Variants in DHX33 observed in about 807,000 individuals in gnomAD.
DHX33 encodes the protein ATP-dependent RNA helicase DHX33.
Under a neutral mutation model 72.5 loss-of-function variants are expected in DHX33, and 42 were observed. The observed-to-expected ratio is 0.58, with a 90% CI of 0.45 to 0.75. The LOEUF is 0.75. Among genes scored for constraint, DHX33 ranks in the 30% least tolerant of loss-of-function variants. DHX33 has a pLI of 0.00. For synonymous variants in DHX33, 358 were observed against 366.1 expected, an observed-to-expected ratio of 0.98 and a Z score of 0.25; for missense variants, 842 against 917.5, an observed-to-expected ratio of 0.92 and a Z score of 1.06.
intron 3 of DHX33, 77 bp from the exon 4 acceptor site, chr17:5,461,186 G>C (rs1364113861): frequency 2.0e-6 from 3 of 1,476,716 alleles, no homozygotes; most frequent in East Asian, 4.6e-5. Context: ...AGCCCCAAAA[G>C]CAGATGATTG....
chr17:5,448,694 A>G (rs911456996), intron 11 of DHX33, 115 bp downstream of exon 11: 25 of 676,558 alleles, frequency 3.7e-5, no homozygotes, highest in Middle Eastern at 5.2e-4. Context: ...TTATTTGTGA[A>G]ATTTGCTACA....
chr17:5,454,989 C>T (rs1273081107), intron 6 of DHX33, among the ~76,000 whole-genome samples, 171 bp downstream of exon 6: 4 of 152,172 alleles, frequency 2.6e-5, no homozygotes, highest in African/African-American at 4.8e-5. Context: ...CTCACATACC[C>T]GCCTCAGGAC....
At chr17:5,465,509 T>G (rs1270338703) in intron 1 of DHX33, among the ~76,000 whole-genome samples, 1 of 152,242 alleles carries the variant, frequency 6.6e-6, no homozygotes, top group Non-Finnish European at 1.5e-5. Flanking sequence ...TTGTAATATT[T>G]GCATTATACT....
intron 4 of DHX33, 74 bp downstream of exon 4, chr17:5,460,865 T>C (rs897319916): frequency 2.6e-6 from 4 of 1,511,362 alleles, no homozygotes; most frequent in East Asian, 2.3e-5. Flanking sequence ...GCTTTTCTTT[T>C]CAAGGCTCAA....
Position 5,453,891 on chromosome 17 carries a change from T to C in DHX33, c.1237A>G (p.Ile413Val). ...TCCTCCGTGTAGAGCCGGTAGCAGATGCCACTGTCCTCTCTGCCAGCCCTC... is the reference window on the plus strand; with the variant it reads ...TCCTCCGTGTAGAGCCGGTAGCAGACGCCACTGTCCTCTCTGCCAGCCCTC... ...TGRAGREDSG[I>V]CYRLYTEDEF... Residue 413 changes from isoleucine (I) to valine (V), a missense_variant, in exon 7 of 12, where the codon ATC (isoleucine) becomes GTC (valine). Transcript: ENST00000225296. 1 of 1,608,816 alleles carries C rather than the reference T, an allele frequency of 6.2e-7. No homozygotes were observed. The highest frequency in any genetic ancestry group is 8.5e-7 in the Non-Finnish European group (1 of 1,177,952).
intron 4 of DHX33, among the ~76,000 whole-genome samples, chr17:5,460,215 C>T (rs886083090): frequency 1.5e-4 from 23 of 151,492 alleles, no homozygotes; most frequent in Admixed American, 1.4e-3. Context: ...GAGGTTTCAC[C>T]ATGTTAGTCA....
rs1229158557 is a variant in DHX33 at position 5,442,293 on chromosome 17, T to C, written c.*1912A>G. The C allele has an allele frequency of 6.7e-6, 1 of 149,484 alleles. No individual in the cohort carries two copies. Among genetic ancestry groups the C allele is most frequent in the East Asian group, 1.9e-4 (1 of 5,132 alleles). 9.3% of individuals were successfully genotyped at this position (149,484 alleles called of 1,614,324 possible). A position where few individuals can be genotyped will look rare whatever the true frequency, so the allele number is the denominator to read the frequency against. On this transcript the variant is annotated 3_prime_UTR_variant, in exon 12 of 12. Transcript: ENST00000225296. ...TTTTTTTTACCAGCACTATGAATGA[T>C]TAAAAATACAATATTTTTCTTACTA...
rs563736872 is a variant in DHX33, at chr17:5,450,318, G to C, written c.1613C>G (p.Pro538Arg). 1 of 1,614,088 alleles carries C rather than the reference G, an allele frequency of 6.2e-7. No individual in the cohort carries two copies. ...LLSVDSVLHN[P>R]PSRREEVQGV... ...TTGCACTTCCTCTCGCCGGGAAGGA[G>C]GGTTGTGGAGGACGCTGTCCACAGA... is the stretch of plus-strand genomic sequence containing the variant. The change falls in exon 10 of 12, where the codon CCT becomes CGT. Residue 538 changes from proline to arginine, a missense_variant. Coordinates refer to ENST00000225296, the MANE Select transcript of DHX33 (RefSeq NM_020162.4).
rs551465361 is a variant in DHX33 at position 5,456,873 on chromosome 17, G to A, written c.850-691C>T. On this transcript the variant is annotated intron_variant, in intron 4 of 11. Transcript: ENST00000225296. ...GAAGGAGCCTTTAATGAATGACGCC[G>A]TCGAAAGCGCTTTCACACGCCCCAA... 4.6e-5 allele frequency among the ~76,000 whole-genome samples: 7 copies of A among 152,266 alleles called. No individual in the cohort carries two copies. In the South Asian group the frequency reaches 1.0e-3, roughly 23 times the overall value.
intron 1 of DHX33, among the ~76,000 whole-genome samples, chr17:5,468,005 C>A (rs1319455423): frequency 6.6e-6 from 1 of 152,192 alleles, no homozygotes; most frequent in Non-Finnish European, 1.5e-5. Flanking sequence ...TCTGCTCACT[C>A]TCTATTCCTT....
chr17:5,463,498 A>G, intron 2 of DHX33, 31 bp downstream of exon 2: 1 of 1,607,500 alleles, frequency 6.2e-7, no homozygotes, highest in Non-Finnish European at 8.5e-7. Context: ...TTGAGTCAAG[A>G]AGTACTAATA....
rs34666901 is a variant in DHX33 at position 5,461,047 on chromosome 17, G to C, written c.741C>G (p.Pro247=). The C allele has an allele frequency of 2.2e-3, 3,627 of 1,612,884 alleles. 6 individuals carry two copies. The highest frequency in any genetic ancestry group is 2.9e-3 in the Non-Finnish European group (3,401 of 1,179,390). ...DLFSQYFNGA[P]VLYLEGRQHP... is the part of the protein sequence containing the mutation. ...GCTGCCGACCCTCTAGGTAGAGGAC[G>C]GGGGCGCCATTGAAATACTGAGAGA... Residue 247 remains proline (P), a synonymous_variant, in exon 4 of 12, where the codon CCC becomes CCG. Coordinates refer to ENST00000225296, the MANE Select transcript of DHX33 (RefSeq NM_020162.4).
rs553325228 is a variant in DHX33 at position 5,444,037 on chromosome 17, T to C, written c.*168A>G. ...GGTACAAATGATATGTCCATGTCTA[T>C]ATGGTTCAGTCCCAGGAGTTGAGCA... On this transcript the variant is annotated 3_prime_UTR_variant, in exon 12 of 12. Coordinates refer to ENST00000225296, the MANE Select transcript of DHX33 (RefSeq NM_020162.4). The surrounding 1 kb of genome is among the most constrained non-coding windows in gnomAD (Gnocchi z 4.9). The C allele has an allele frequency of 1.9e-3, 1,395 of 723,138 alleles. 31 individuals are homozygous for C. The South Asian group carries it at 0.026, about 14-fold the overall frequency. 44.8% of individuals were successfully genotyped at this position (723,138 alleles called of 1,614,324 possible).
At chr17:5,460,073 G>C (rs552584121) in intron 4 of DHX33, among the ~76,000 whole-genome samples, 1 of 149,810 alleles carries the variant, frequency 6.7e-6, no homozygotes, top group Non-Finnish European at 1.5e-5. Flanking sequence ...GGAGTGCAGT[G>C]GCGCGATCTC....
Position 5,462,855 on chromosome 17 carries a change from A to C in DHX33, c.451-309T>G, listed in dbSNP as rs562748911. Among the ~76,000 whole-genome samples, 147 of 152,266 alleles carry C rather than the reference A, an allele frequency of 9.7e-4. 1 individual carries two copies. Among genetic ancestry groups the C allele is most frequent in the South Asian group, 6.6e-3 (32 of 4,820 alleles). ...AGCACTTTGGGAGGTTGGGGCAGGCAGATCACGAGGTCAGGAGTTTGAGAC... is the reference window on the plus strand; with the variant it reads ...AGCACTTTGGGAGGTTGGGGCAGGCCGATCACGAGGTCAGGAGTTTGAGAC... On this transcript the variant is annotated intron_variant, in intron 2 of 11. Transcript: ENST00000225296.
At position 5,462,363 on chromosome 17, in the gene DHX33, C is replaced by G. The variant is rs1253933506; in HGVS notation, c.634G>C (p.Ala212Pro). ...AGTTCCTTTCTCCTCTTCTGTGCAG[C>G]TTTCACCACTCCAAAGAGCACATCT... ...HTDVLFGVVKAAQKRRKELGK... is the reference protein window; with the variant it reads ...HTDVLFGVVKPAQKRRKELGK... The change falls in exon 3 of 12, where the codon GCT (alanine) becomes CCT (proline). Residue 212 changes from alanine (A) to proline (P), a missense_variant. Ala to Pro is a conservative substitution (Grantham distance 27). Transcript: ENST00000225296. 9 of 1,614,188 alleles carry G rather than the reference C, an allele frequency of 5.6e-6. No individual in the cohort carries two copies. The highest frequency in any genetic ancestry group is 7.6e-6 in the Non-Finnish European group (9 of 1,180,038).
At chr17:5,460,313 C>T (rs541267241) in intron 4 of DHX33, among the ~76,000 whole-genome samples, 1 of 152,070 alleles carries the variant, frequency 6.6e-6, no homozygotes, top group African/African-American at 2.4e-5. Flanking sequence ...TGTGCCCAGC[C>T]AAAAGTACTT....
intron 1 of DHX33, among the ~76,000 whole-genome samples, chr17:5,467,444 T>C (rs1372203507): frequency 6.6e-6 from 1 of 152,164 alleles, no homozygotes; most frequent in Non-Finnish European, 1.5e-5. Flanking sequence ...ATCACCATCT[T>C]GGACAAGCCC....
At chr17:5,448,642 TA>T in intron 11 of DHX33, 166 bp downstream of exon 11, 1 of 418,468 alleles carries the variant, frequency 2.4e-6, no homozygotes, top group Non-Finnish European at 4.3e-6. Context: ...GGAAATAGGC[TA>T]AACTACTGAA....
Sources: gnomAD v4.1 joint callset for allele counts (sites outside exome capture counted in the v4.1 genomes callset) on GRCh38, gnomAD v4.1.1 for gene constraint, Gnocchi (gnomAD v3.1) non-coding constraint, MANE v1.5 for transcripts, NCBI Gene and HGNC (gene_info 2026-07-23, HGNC 2026-07-21) for gene names.